EYS: variants seen among roughly 807,000 people sequenced by gnomAD.
The protein encoded by EYS is protein eyes shut homolog.
EYS carries 250 observed loss-of-function variants against 282.1 expected under a neutral mutation model. The ratio of observed to expected loss-of-function variants is 0.89; its 90% CI spans 0.80 to 0.98. EYS has a LOEUF of 0.98. Ranked by LOEUF, EYS falls within the 50% of genes least tolerant of loss-of-function variation. The pLI is 0.00. For synonymous variants in EYS, 1,355 were observed against 1,282.9 expected, an observed-to-expected ratio of 1.06 and a Z score of -1.20; for missense variants, 4,016 against 3,709.0, an observed-to-expected ratio of 1.08 and a Z score of -2.15.
chr6:64,996,017 G>A (rs1242984483), intron 14 of EYS, among the ~76,000 whole-genome samples: 1 of 152,094 alleles, frequency 6.6e-6, no homozygotes. Context: ...GATTATTCCT[G>A]AAGTTACTGC....
At chr6:64,472,146 A>T (rs566628270) in intron 26 of EYS, among the ~76,000 whole-genome samples, 45 of 152,342 alleles carry the variant, frequency 3.0e-4, no homozygotes, top group South Asian at 2.5e-3. Flanking sequence ...GGAAAGACCA[A>T]ATTAAAATAC....
At chr6:65,039,690 T>G (rs1243719783) in intron 13 of EYS, among the ~76,000 whole-genome samples, 2 of 151,608 alleles carry the variant, frequency 1.3e-5, no homozygotes, top group African/African-American at 4.8e-5. Context: ...ATAAATATTT[T>G]ATGGTTTTGC....
intron 26 of EYS, among the ~76,000 whole-genome samples, chr6:64,588,075 G>C (rs1319795780): frequency 6.6e-6 from 1 of 152,026 alleles, no homozygotes; most frequent in African/African-American, 2.4e-5. Flanking sequence ...TGAGAAGTTA[G>C]AAATAAGTTA....
At chr6:65,068,912 T>G (rs1773828678) in intron 12 of EYS, among the ~76,000 whole-genome samples, 1 of 152,042 alleles carries the variant, frequency 6.6e-6, no homozygotes, top group Non-Finnish European at 1.5e-5. Context: ...CTTTTAAATT[T>G]CTCTGCACTC....
chr6:65,282,672 T>C (rs189957910), intron 12 of EYS, among the ~76,000 whole-genome samples: 8 of 152,098 alleles, frequency 5.3e-5, no homozygotes, highest in Admixed American at 4.6e-4. Flanking sequence ...ATTTTTACTG[T>C]CAATAATTGA....
chr6:65,051,678 T>G (rs1289552621), intron 13 of EYS, among the ~76,000 whole-genome samples: 1 of 151,494 alleles, frequency 6.6e-6, no homozygotes, highest in East Asian at 1.9e-4. Flanking sequence ...TTTGTATCCT[T>G]TTACCAATAC....
At chr6:63,806,652 T>TG (rs1352760476) in intron 36 of EYS, among the ~76,000 whole-genome samples, 1 of 152,176 alleles carries the variant, frequency 6.6e-6, no homozygotes, top group Non-Finnish European at 1.5e-5. Flanking sequence ...CCCTATATTT[T>TG]GAAACTTAAT....
chr6:64,919,419 C>CTTTT (rs370375636), intron 15 of EYS, among the ~76,000 whole-genome samples: 1 of 135,522 alleles, frequency 7.4e-6, no homozygotes, highest in Non-Finnish European at 1.6e-5. Context: ...TTCTTTTTTT[C>CTTTT]TTTTTTTTTT....
intron 32 of EYS, among the ~76,000 whole-genome samples, chr6:64,075,633 G>A (rs781631163): frequency 6.6e-6 from 1 of 151,886 alleles, no homozygotes; most frequent in African/African-American, 2.4e-5. Flanking sequence ...GAACATGGCT[G>A]TTAAATGGAT....
intron 26 of EYS, among the ~76,000 whole-genome samples, chr6:64,574,264 C>T (rs1376419366): frequency 6.6e-6 from 1 of 151,952 alleles, no homozygotes; most frequent in Non-Finnish European, 1.5e-5. Context: ...CATCACACAC[C>T]AGGGCCTATT....
intron 30 of EYS, among the ~76,000 whole-genome samples, chr6:64,289,050 A>C (rs1322326450): frequency 6.6e-6 from 1 of 152,030 alleles, no homozygotes; most frequent in Non-Finnish European, 1.5e-5. Flanking sequence ...TCTAAAATGC[A>C]TATCTTAACC....
At position 65,571,311 on chromosome 6, in the gene EYS, G is replaced by A. The variant is rs77627443; in HGVS notation, c.-333+68467C>T. ...TATCTGAGAGGTAAGTTATGGCAAGGTGACCATGAAAACCAAGGTGAACAA... is the reference window on the plus strand; with the variant it reads ...TATCTGAGAGGTAAGTTATGGCAAGATGACCATGAAAACCAAGGTGAACAA... On this transcript the variant is annotated intron_variant, in intron 2 of 42. Transcript: ENST00000503581. Among the ~76,000 whole-genome samples the A allele has an allele frequency of 2.0e-5, 3 of 151,992 alleles. No homozygotes were observed. In the East Asian group the frequency reaches 5.8e-4, roughly 30 times the overall value.
intron 35 of EYS, among the ~76,000 whole-genome samples, chr6:63,884,591 G>A: frequency 6.6e-6 from 1 of 152,112 alleles, no homozygotes; most frequent in South Asian, 2.1e-4. Context: ...CCAAGTTCGT[G>A]CATGGGGAGC....
Position 65,155,607 on chromosome 6 carries a change from ATGAATATTT to A in EYS, c.2024-97889_2024-97881del, listed in dbSNP as rs1764713295. Reference sequence around the variant, plus strand: ...TCTTGTGGGTTATTAACCCTATAAAATGAATATTTTGATTAACTGTCCTCATTTTTAAAA... The same window carrying A: ...TCTTGTGGGTTATTAACCCTATAAAATGATTAACTGTCCTCATTTTTAAAA... On this transcript the variant is annotated intron_variant, in intron 12 of 42. Transcript: ENST00000503581. Among the ~76,000 whole-genome samples, 3 of 151,556 alleles carry A rather than the reference ATGAATATTT, an allele frequency of 2.0e-5. No homozygotes were observed. The South Asian group carries it at 6.2e-4, about 31-fold the overall frequency.
intron 26 of EYS, among the ~76,000 whole-genome samples, chr6:64,518,575 A>G (rs1389895391): frequency 6.6e-6 from 1 of 151,778 alleles, no homozygotes; most frequent in Non-Finnish European, 1.5e-5. Flanking sequence ...ATCACATTTA[A>G]ATGTGACCTA....
At chr6:64,329,307 A>G (rs1770551477) in intron 29 of EYS, among the ~76,000 whole-genome samples, 1 of 152,174 alleles carries the variant, frequency 6.6e-6, no homozygotes, top group Non-Finnish European at 1.5e-5. Context: ...ATATTTGCCA[A>G]ATTGTCTGGT....
At chr6:65,567,818 C>T (rs995939937) in intron 2 of EYS, among the ~76,000 whole-genome samples, 1 of 152,004 alleles carries the variant, frequency 6.6e-6, no homozygotes, top group South Asian at 2.1e-4. Context: ...GAATATTGCT[C>T]CCTTAAGTGG....
intron 35 of EYS, among the ~76,000 whole-genome samples, chr6:63,910,414 C>A (rs1042128637): frequency 6.6e-6 from 1 of 152,130 alleles, no homozygotes; most frequent in Non-Finnish European, 1.5e-5. Flanking sequence ...AGATGGAATT[C>A]TGTGTACCGA....
At chr6:64,722,302 T>C (rs932245107) in intron 22 of EYS, among the ~76,000 whole-genome samples, 1 of 151,930 alleles carries the variant, frequency 6.6e-6, no homozygotes, top group African/African-American at 2.4e-5. Flanking sequence ...GAAATCAGAA[T>C]CCTGGGCAGT....
Sources: gnomAD v4.1 joint callset for allele counts (sites outside exome capture counted in the v4.1 genomes callset) on GRCh38, gnomAD v4.1.1 for gene constraint, MANE v1.5 for transcripts, NCBI Gene and HGNC (gene_info 2026-07-23, HGNC 2026-07-21) for gene names.